The following VSNL1 variants were observed in gnomAD, a reference collection of about 807,000 sequenced individuals.
VSNL1 encodes the protein visinin like 1.
In VSNL1, 6 loss-of-function variants were observed where a neutral mutation model predicts 20.4. The observed-to-expected ratio is 0.29, with a 90% CI of 0.16 to 0.58. The LOEUF (loss-of-function observed/expected upper bound fraction) is 0.58. VSNL1 is among the 20% of genes least tolerant of loss of function. The probability of loss-of-function intolerance (pLI) is 0.90; values close to 1 mark genes in which losing one functional copy is unlikely to be tolerated. For synonymous variants in VSNL1, 93 were observed against 86.4 expected (o/e 1.08, Z -0.42); for missense variants, 100 against 234.5 (o/e 0.43, Z 3.75).
At chr2:17,633,340 T>TAAA (rs1665679066) in intron 2 of VSNL1, among the ~76,000 whole-genome samples, 1 of 38,300 alleles carries the variant, frequency 2.6e-5, no homozygotes, top group Non-Finnish European at 4.5e-5. Flanking sequence ...CCATCTTTAC[T>TAAA]AAAAATACAA....
chr2:17,639,590 T>G (rs1013473428), intron 2 of VSNL1, among the ~76,000 whole-genome samples: 1 of 152,232 alleles, frequency 6.6e-6, no homozygotes, highest in African/African-American at 2.4e-5. Context: ...AAAGAATATA[T>G]GTACTCTTTA....
chr2:17,651,356 G>A (rs527401173), intron 3 of VSNL1, among the ~76,000 whole-genome samples: 3 of 152,286 alleles, frequency 2.0e-5, no homozygotes, highest in East Asian at 1.9e-4. Context: ...GGGAGGGTTC[G>A]GAGAAGCAGA....
chr2:17,554,477 A>G (rs1032039673), intron 1 of VSNL1, among the ~76,000 whole-genome samples: 7 of 152,370 alleles, frequency 4.6e-5, no homozygotes, highest in African/African-American at 1.4e-4. Context: ...GTCTAGGATT[A>G]GATAGAAGTA....
intron 2 of VSNL1, among the ~76,000 whole-genome samples, chr2:17,639,877 T>G (rs1199728798): frequency 6.6e-6 from 1 of 152,210 alleles, no homozygotes. Context: ...TCTGACTCTG[T>G]TCCAATGTCC....
chr2:17,540,126 T>G (rs1438806222), upstream of VSNL1: 1 of 152,210 alleles, frequency 6.6e-6, no homozygotes, highest in Non-Finnish European at 1.5e-5. Flanking sequence ...CAGAAGACCC[T>G]CTGATGAAAT....
intron 3 of VSNL1, among the ~76,000 whole-genome samples, chr2:17,653,836 A>G (rs552607496): frequency 5.2e-4 from 79 of 152,326 alleles, no homozygotes; most frequent in Non-Finnish European, 9.3e-4. Flanking sequence ...CATAATGTAA[A>G]TTTAAAACAT....
chr2:17,608,931 G>A (rs1444738542), intron 2 of VSNL1, among the ~76,000 whole-genome samples: 1 of 152,118 alleles, frequency 6.6e-6, no homozygotes, highest in African/African-American at 2.4e-5. Flanking sequence ...CAATGGAGGA[G>A]ATATAAAGAA....
intron 2 of VSNL1, among the ~76,000 whole-genome samples, chr2:17,613,203 G>A (rs975794378): frequency 3.3e-5 from 5 of 152,114 alleles, no homozygotes; most frequent in African/African-American, 9.7e-5. Flanking sequence ...GGAACAAGAA[G>A]GTCTATGGCT....
intron 1 of VSNL1, among the ~76,000 whole-genome samples, chr2:17,587,656 C>A (rs1174537915): frequency 6.6e-6 from 1 of 152,042 alleles, no homozygotes; most frequent in Non-Finnish European, 1.5e-5. Context: ...GATGATCCTG[C>A]AGGTGAGAGA....
chr2:17,592,724 A>G (rs1372695215), intron 2 of VSNL1, among the ~76,000 whole-genome samples: 2 of 138,120 alleles, frequency 1.4e-5, no homozygotes, highest in Non-Finnish European at 3.0e-5. Context: ...CCAGATTCCC[A>G]CAACAGAACA....
chr2:17,613,157 C>T (rs1665130022), intron 2 of VSNL1, among the ~76,000 whole-genome samples: 1 of 152,164 alleles, frequency 6.6e-6, no homozygotes, highest in Admixed American at 6.5e-5. Flanking sequence ...CACAATTCAT[C>T]ACCATCCACC....
rs1055444188 is a variant in VSNL1 at position 17,640,623 on chromosome 2, G to A, written c.163-8787G>A. 4.6e-5 allele frequency among the ~76,000 whole-genome samples: 7 copies of A among 152,202 alleles called. 1 individual carries two copies. Among genetic ancestry groups the A allele is most frequent in the African/African-American group, 1.7e-4 (7 of 41,450 alleles). On this transcript the variant is annotated intron_variant, in intron 2 of 3. Coordinates refer to ENST00000295156, the MANE Select transcript of VSNL1 (RefSeq NM_003385.5). ...GAAGCTTCCTCTCCTCCAGAAAACA[G>A]AAGCCCCACCTTCTTAGGCAATGAT... is the stretch of plus-strand genomic sequence containing the variant.
Position 17,649,912 on chromosome 2 carries a change from G to A in VSNL1, c.378+287G>A, listed in dbSNP as rs1666088580. On this transcript the variant is annotated intron_variant, in intron 3 of 3. Coordinates refer to ENST00000295156, the MANE Select transcript of VSNL1 (RefSeq NM_003385.5). The surrounding 1 kb of genome is among the most constrained non-coding windows in gnomAD (Gnocchi z 6.4). ...TTACTGTGCACACAGGATGTCATGG[G>A]CTGTTTCTCTGGCACTTGGTGTATC... Among the ~76,000 whole-genome samples the A allele has an allele frequency of 1.3e-5, 2 of 152,196 alleles. No homozygotes were observed. Among genetic ancestry groups the A allele is most frequent in the Non-Finnish European group, 1.5e-5 (1 of 68,042 alleles).
chr2:17,562,830 T>C (rs915429370), intron 1 of VSNL1, among the ~76,000 whole-genome samples: 4 of 152,198 alleles, frequency 2.6e-5, no homozygotes, highest in Non-Finnish European at 5.9e-5. Context: ...GCGTTCACTA[T>C]TGATGAATGA....
upstream of VSNL1, chr2:17,540,290 A>G (rs1663249104): frequency 6.6e-6 from 1 of 152,406 alleles, no homozygotes; most frequent in South Asian, 2.1e-4. Flanking sequence ...GCTAGGACAG[A>G]AAGCAGCGGG....
At chr2:17,565,957 A>G (rs1051108083) in intron 1 of VSNL1, among the ~76,000 whole-genome samples, 2 of 152,150 alleles carry the variant, frequency 1.3e-5, no homozygotes, top group Admixed American at 6.5e-5. Flanking sequence ...CTCTCCCGCC[A>G]CCATGTGAAG....
At chr2:17,632,393 C>T (rs1340620110) in intron 2 of VSNL1, among the ~76,000 whole-genome samples, 8 of 152,146 alleles carry the variant, frequency 5.3e-5, no homozygotes, top group African/African-American at 1.9e-4. Context: ...CTCTGCCTCC[C>T]GGGTTCAAGT....
chr2:17,592,752 G>A (rs547848164), intron 2 of VSNL1, among the ~76,000 whole-genome samples: 12 of 146,844 alleles, frequency 8.2e-5, no homozygotes, highest in African/African-American at 3.0e-4. Flanking sequence ...AAGGGGTGGG[G>A]GAGTGTAGCG....
intron 2 of VSNL1, among the ~76,000 whole-genome samples, chr2:17,645,093 T>G (rs980554844): frequency 6.6e-6 from 1 of 152,220 alleles, no homozygotes; most frequent in Admixed American, 6.5e-5. Flanking sequence ...AAGCCCTATT[T>G]CCTATCAAGA....
Sources: allele counts gnomAD v4.1 joint callset (sites outside exome capture counted in the v4.1 genomes callset), GRCh38; gene constraint gnomAD v4.1.1; non-coding constraint Gnocchi (gnomAD v3.1); transcripts MANE v1.5; gene names NCBI Gene and HGNC (gene_info 2026-07-23, HGNC 2026-07-21).